IQCK: variants seen among roughly 807,000 people sequenced by gnomAD.
IQCK encodes IQ motif containing K.
IQCK carries 29 observed loss-of-function variants against 28.1 expected under a neutral mutation model. That is an observed-to-expected ratio of 1.03 (90% confidence interval 0.77 to 1.41). The LOEUF is 1.41. Ranked by LOEUF, IQCK falls within the 40% of genes most tolerant of loss-of-function variation. The pLI is 0.00. For synonymous variants in IQCK, 113 were observed against 115.1 expected, an observed-to-expected ratio of 0.98 and a Z score of 0.12; for missense variants, 359 against 314.7, an observed-to-expected ratio of 1.14 and a Z score of -1.07.
intron 4 of IQCK, among the ~76,000 whole-genome samples, chr16:19,762,513 G>A (rs924849755): frequency 5.3e-5 from 8 of 152,164 alleles, no homozygotes; most frequent in Non-Finnish European, 8.8e-5. Context: ...ATTGAAAGAG[G>A]ACTAAAGAAA....
Position 19,733,846 on chromosome 16 carries a change from A to G in IQCK, c.376+19A>G, listed in dbSNP as rs1977919855. ...AAAACATGTGAGTAAGAGAGATGCC[A>G]TCTTTTATAATTTGGGGCTTTTAAC... is the stretch of plus-strand genomic sequence containing the variant. On this transcript the variant is annotated intron_variant, in intron 3 of 7. Coordinates refer to ENST00000564186, the Ensembl canonical transcript of IQCK. 2.5e-6 allele frequency: 4 copies of G among 1,613,524 alleles called. No individual in the cohort carries two copies. Among genetic ancestry groups the G allele is most frequent in the Non-Finnish European group, 2.5e-6 (3 of 1,179,670 alleles).
intron 7 of IQCK, among the ~76,000 whole-genome samples, chr16:19,804,816 C>A (rs914670754): frequency 1.3e-5 from 2 of 152,186 alleles, no homozygotes; most frequent in Admixed American, 1.3e-4. Context: ...ATACTTTCAA[C>A]CCAGGGTGAG....
chr16:19,785,867 C>T (rs974696821), intron 6 of IQCK, among the ~76,000 whole-genome samples: 11 of 152,184 alleles, frequency 7.2e-5, no homozygotes, highest in African/African-American at 2.7e-4. Context: ...TTCAATAAAT[C>T]CCTGCTTTTG....
chr16:19,832,629 G>T (rs2056246006), intron 9 of IQCK, among the ~76,000 whole-genome samples: 1 of 152,082 alleles, frequency 6.6e-6, no homozygotes, highest in Non-Finnish European at 1.5e-5. Flanking sequence ...TATATTCAAG[G>T]TGTGCAACAT....
intron 9 of IQCK, among the ~76,000 whole-genome samples, chr16:19,855,125 T>C (rs1457556245): frequency 6.6e-6 from 1 of 152,156 alleles, no homozygotes; most frequent in Non-Finnish European, 1.5e-5. Context: ...GCCTTCTTGT[T>C]TGGCACCTGG....
intron 9 of IQCK, among the ~76,000 whole-genome samples, 167 bp from the exon 9 acceptor site, chr16:19,856,320 C>A (rs1215618978): frequency 6.6e-6 from 1 of 152,186 alleles, no homozygotes; most frequent in African/African-American, 2.4e-5. Context: ...GCACAATGGG[C>A]CTGTGTTCTT....
chr16:19,814,120 T>C (rs2055945065), intron 7 of IQCK, among the ~76,000 whole-genome samples: 1 of 147,398 alleles, frequency 6.8e-6, no homozygotes, highest in South Asian at 2.1e-4. Flanking sequence ...CTCAGGAGGC[T>C]GAGGCAGGAG....
intron 4 of IQCK, among the ~76,000 whole-genome samples, chr16:19,747,188 A>G (rs1193015153): frequency 6.6e-6 from 1 of 152,130 alleles, no homozygotes; most frequent in East Asian, 1.9e-4. Flanking sequence ...TTTAGCTGGG[A>G]GTTTCTTCTG....
Position 19,722,674 on chromosome 16 carries a change from C to T in IQCK, c.181+4187C>T, listed in dbSNP as rs542219584. The stretch of plus-strand genomic sequence containing the variant: ...CGCCAACAACTTATCTCCATCTCCA[C>T]GAATGTTACCATCGTTCACTCAGCT... On this transcript the variant is annotated intron_variant, in intron 1 of 7. Coordinates refer to ENST00000564186, the Ensembl canonical transcript of IQCK. 7.2e-4 allele frequency among the ~76,000 whole-genome samples: 110 copies of T among 151,738 alleles called. 3 individuals carry two copies. The South Asian group carries it at 0.022, about 30-fold the overall frequency.
chr16:19,740,963 A>C (rs767351402), intron 4 of IQCK, among the ~76,000 whole-genome samples: 9 of 139,790 alleles, frequency 6.4e-5, no homozygotes, highest in Middle Eastern at 7.1e-3. Context: ...GCGAGACTCC[A>C]TCTAAAAAAA....
At chr16:19,818,702 A>G (rs923125366) in intron 7 of IQCK, among the ~76,000 whole-genome samples, 2 of 152,098 alleles carry the variant, frequency 1.3e-5, no homozygotes, top group Admixed American at 6.6e-5. Context: ...CGTTTTTTAT[A>G]TATATTTAGA....
At chr16:19,727,728 GTC>G (rs1977705289) in intron 1 of IQCK, among the ~76,000 whole-genome samples, 1 of 152,050 alleles carries the variant, frequency 6.6e-6, no homozygotes, top group Non-Finnish European at 1.5e-5. Flanking sequence ...CAATAAGTAT[GTC>G]TTGCTTTTGT....
Position 19,748,317 on chromosome 16 carries a change from C to T in IQCK, c.474+12867C>T, listed in dbSNP as rs576531772. 5.9e-5 allele frequency among the ~76,000 whole-genome samples: 9 copies of T among 152,110 alleles called. 1 individual carries two copies. Among genetic ancestry groups the T allele is most frequent in the Admixed American group, 2.6e-4 (4 of 15,264 alleles). The stretch of plus-strand genomic sequence containing the variant: ...CTGAAACTTCTGACTTTAGGTGATC[C>T]GCCCACCTCTGCCTCCCAAAGTGCT... On this transcript the variant is annotated intron_variant, in intron 4 of 7. Transcript: ENST00000564186.
chr16:19,783,525 A>G (rs2055520913), intron 6 of IQCK, among the ~76,000 whole-genome samples: 1 of 151,312 alleles, frequency 6.6e-6, no homozygotes. Flanking sequence ...TCCCCTCCCT[A>G]GTTCCCTGGT....
At chr16:19,855,183 A>T (rs112784942) in intron 9 of IQCK, among the ~76,000 whole-genome samples, 8 of 152,264 alleles carry the variant, frequency 5.3e-5, no homozygotes, top group African/African-American at 1.9e-4. Context: ...TGGGAAGCTG[A>T]TGATCTGGAA....
chr16:19,727,985 AT>A (rs1977713700), intron 1 of IQCK, among the ~76,000 whole-genome samples: 1 of 151,944 alleles, frequency 6.6e-6, no homozygotes, highest in Non-Finnish European at 1.5e-5. Context: ...CTGTCAGAAG[AT>A]TTTCCAGGTA....
chr16:19,771,928 C>T (rs979915910), intron 6 of IQCK, among the ~76,000 whole-genome samples: 3 of 152,042 alleles, frequency 2.0e-5, no homozygotes, highest in African/African-American at 7.2e-5. Flanking sequence ...GACAGGGAAT[C>T]AACGAGGGAT....
At chr16:19,748,676 G>C (rs1477617183) in intron 4 of IQCK, among the ~76,000 whole-genome samples, 1 of 152,060 alleles carries the variant, frequency 6.6e-6, no homozygotes, top group Non-Finnish European at 1.5e-5. Context: ...GTGAATGGAG[G>C]GTGTAATTCT....
intron 6 of IQCK, among the ~76,000 whole-genome samples, chr16:19,770,961 G>A (rs1365495518): frequency 6.6e-6 from 1 of 152,078 alleles, no homozygotes; most frequent in Non-Finnish European, 1.5e-5. Context: ...CACTTTTAAG[G>A]ACTCCTGTGA....
Sources: allele counts gnomAD v4.1 joint callset (sites outside exome capture counted in the v4.1 genomes callset), GRCh38; gene constraint gnomAD v4.1.1; transcripts MANE v1.5; gene names NCBI Gene and HGNC (gene_info 2026-07-23, HGNC 2026-07-21).